NCKAP5: variants seen among roughly 807,000 people sequenced by gnomAD.
NCKAP5 encodes nck-associated protein 5.
A neutral mutation model predicts 167.0 loss-of-function variants in NCKAP5; 92 were observed. That is an observed-to-expected ratio of 0.55 (90% CI 0.47 to 0.66). NCKAP5 has a LOEUF of 0.66. NCKAP5 is among the 30% of genes least tolerant of loss of function. NCKAP5 has a pLI of 0.00. For missense variants in NCKAP5, 2,378 were observed against 2,315.0 expected (o/e 1.03, Z -0.56); for synonymous variants, 891 against 877.4 (o/e 1.02, Z -0.27).
At chr2:133,362,348 C>G (rs1168627019) in intron 3 of NCKAP5, among the ~76,000 whole-genome samples, 1 of 152,166 alleles carries the variant, frequency 6.6e-6, no homozygotes, top group Non-Finnish European at 1.5e-5. Flanking sequence ...AAATGACACC[C>G]TGGGGTAATG....
chr2:133,352,333 C>G (rs1684419481), intron 3 of NCKAP5, among the ~76,000 whole-genome samples: 1 of 152,238 alleles, frequency 6.6e-6, no homozygotes, highest in Non-Finnish European at 1.5e-5. Flanking sequence ...CCTCTAGCAT[C>G]TGACACTGTG....
chr2:133,591,646 AAACAAAAACACC>A, the NCKAP5 span, among the ~76,000 whole-genome samples: 1 of 152,326 alleles, frequency 6.6e-6, no homozygotes, highest in African/African-American at 2.4e-5. Context: ...AAACAAAACA[AAACAAAAACACC>A]AACAAAAACA....
chr2:133,068,300 C>T (rs1289450827), intron 6 of NCKAP5, among the ~76,000 whole-genome samples: 2 of 152,194 alleles, frequency 1.3e-5, no homozygotes, highest in Non-Finnish European at 2.9e-5. Flanking sequence ...CTGCAAATGT[C>T]CTCCCAGCTT....
At chr2:133,541,117 T>G (rs1427016552) in intron 2 of NCKAP5, among the ~76,000 whole-genome samples, 3 of 151,208 alleles carry the variant, frequency 2.0e-5, no homozygotes, top group African/African-American at 7.3e-5. Context: ...TGTCACAAAT[T>G]ATAAGGTAAC....
chr2:133,446,386 T>G (rs1691195943), intron 3 of NCKAP5, among the ~76,000 whole-genome samples: 1 of 152,210 alleles, frequency 6.6e-6, no homozygotes, highest in Non-Finnish European at 1.5e-5. Context: ...TAACACATAC[T>G]TGCATGCTTA....
chr2:132,967,974 T>C (rs911079587), intron 7 of NCKAP5, among the ~76,000 whole-genome samples: 1 of 152,014 alleles, frequency 6.6e-6, no homozygotes, highest in Non-Finnish European at 1.5e-5. Flanking sequence ...GTGCAGTGGT[T>C]TGGGGAAGAG....
At chr2:133,397,159 ATCTC>A (rs1263963348) in intron 3 of NCKAP5, among the ~76,000 whole-genome samples, 1 of 152,154 alleles carries the variant, frequency 6.6e-6, no homozygotes, top group African/African-American at 2.4e-5. Context: ...ATTCATAAAA[ATCTC>A]TCAAATCTCT....
chr2:132,843,727 A>G lies in NCKAP5; in HGVS notation c.807+16765T>C, dbSNP rs1688468120. ...GTTGGTATACTTAATTTTATTTCTT[A>G]TATCTTACTTTAGATCTCTTATTTT... On this transcript the variant is annotated intron_variant, in intron 11 of 19. Coordinates refer to ENST00000409261, the MANE Select transcript of NCKAP5 (RefSeq NM_207363.3). Among the ~76,000 whole-genome samples the G allele has an allele frequency of 3.3e-5, 5 of 151,796 alleles. No individual in the cohort carries two copies. The South Asian group carries it at 1.0e-3, about 32-fold the overall frequency.
intron 3 of NCKAP5, among the ~76,000 whole-genome samples, chr2:133,374,832 A>G (rs1686035379): frequency 1.3e-5 from 2 of 152,194 alleles, no homozygotes; most frequent in Admixed American, 1.3e-4. Context: ...AGTATAGTAA[A>G]AGCCTCACAA....
intron 8 of NCKAP5, among the ~76,000 whole-genome samples, chr2:132,902,012 AT>A (rs1446703105): frequency 1.3e-5 from 2 of 152,202 alleles, no homozygotes; most frequent in African/African-American, 4.8e-5. Flanking sequence ...GTTTCACAGC[AT>A]TTGAAGATTC....
Position 132,673,270 on chromosome 2 carries a change from G to T in NCKAP5, c.*19C>A. 1 of 1,508,890 alleles carries T rather than the reference G, an allele frequency of 6.6e-7. No homozygotes were observed. Among genetic ancestry groups the T allele is most frequent in the East Asian group, 2.5e-5 (1 of 39,478 alleles). The allele number at this position is 1,508,890 out of a possible 1,614,324, so 93.5% of individuals were successfully genotyped here. ...GGGAAATTTTCGATAATCTATTCTC[G>T]GGATCGTCTTTTGTTTCTTCAAGTT... On this transcript the variant is annotated 3_prime_UTR_variant, in exon 20 of 20. Coordinates refer to ENST00000409261, the MANE Select transcript of NCKAP5 (RefSeq NM_207363.3).
intron 3 of NCKAP5, among the ~76,000 whole-genome samples, chr2:133,359,999 AAG>A (rs1684990710): frequency 6.6e-6 from 1 of 152,200 alleles, no homozygotes; most frequent in Admixed American, 6.5e-5. Flanking sequence ...TGAACAACAG[AAG>A]GTAAATATCA....
intron 4 of NCKAP5, among the ~76,000 whole-genome samples, chr2:133,296,842 T>C (rs990488346): frequency 8.5e-5 from 13 of 152,218 alleles, no homozygotes; most frequent in African/African-American, 3.1e-4. Context: ...CACTTTTTTA[T>C]ATATAATTTT....
intron 11 of NCKAP5, among the ~76,000 whole-genome samples, chr2:132,849,009 G>A (rs1322858047): frequency 2.6e-5 from 4 of 152,154 alleles, no homozygotes; most frequent in Non-Finnish European, 4.4e-5. Context: ...GAAAGTGTCC[G>A]ATGCAATGTG....
intron 5 of NCKAP5, among the ~76,000 whole-genome samples, chr2:133,210,081 C>T (rs925747214): frequency 2.6e-5 from 4 of 151,606 alleles, no homozygotes; most frequent in Non-Finnish European, 4.4e-5. Context: ...AAGAGCATCG[C>T]TTCAACCAAG....
chr2:132,762,216 C>T (rs1376279292), intron 16 of NCKAP5, among the ~76,000 whole-genome samples: 1 of 149,856 alleles, frequency 6.7e-6, no homozygotes, highest in Non-Finnish European at 1.5e-5. Context: ...CAGGCCAGTG[C>T]CCAGCATATA....
chr2:133,646,646 A>T, the NCKAP5 span, among the ~76,000 whole-genome samples: 1 of 152,206 alleles, frequency 6.6e-6, no homozygotes, highest in African/African-American at 2.4e-5. Flanking sequence ...ATGATAGCAT[A>T]AGAAAGTATG....
At chr2:132,755,256 G>A (rs1279746429) in intron 16 of NCKAP5, among the ~76,000 whole-genome samples, 2 of 152,218 alleles carry the variant, frequency 1.3e-5, no homozygotes, top group Non-Finnish European at 2.9e-5. Context: ...GTGCCTGGTG[G>A]TTGTGGTTTA....
chr2:133,180,455 G>C (rs2084681422), intron 5 of NCKAP5, among the ~76,000 whole-genome samples: 1 of 151,968 alleles, frequency 6.6e-6, no homozygotes, highest in South Asian at 2.1e-4. Flanking sequence ...CCCCACTGCA[G>C]TCTCCGTAGT....
Sources: allele counts gnomAD v4.1 joint callset (sites outside exome capture counted in the v4.1 genomes callset), GRCh38; gene constraint gnomAD v4.1.1; transcripts MANE v1.5; gene names NCBI Gene and HGNC (gene_info 2026-07-23, HGNC 2026-07-21).